EPHA5: variants seen among roughly 807,000 people sequenced by gnomAD.
The protein encoded by EPHA5 is ephrin type-A receptor 5.
In EPHA5, 60 loss-of-function variants were observed where a neutral mutation model predicts 105.0. The observed-to-expected ratio is 0.57, with a 90% CI of 0.46 to 0.71. The LOEUF (loss-of-function observed/expected upper bound fraction) is 0.71. Ranked by LOEUF, EPHA5 falls within the 30% of genes least tolerant of loss-of-function variation. The pLI, the probability that EPHA5 is intolerant of heterozygous loss-of-function variation, is 0.00. For synonymous variants in EPHA5, 513 were observed against 449.1 expected (o/e 1.14, Z -1.80); for missense variants, 1,218 against 1,274.7 (o/e 0.96, Z 0.68).
At chr4:65,399,587 T>C (rs1319928106) in intron 8 of EPHA5, among the ~76,000 whole-genome samples, 1 of 152,230 alleles carries the variant, frequency 6.6e-6, no homozygotes. Context: ...CTTCAGAAGA[T>C]ATTTTTGGCT....
At chr4:65,335,307 T>G (rs1338079247) in intron 15 of EPHA5, among the ~76,000 whole-genome samples, 3 of 152,044 alleles carry the variant, frequency 2.0e-5, no homozygotes, top group Non-Finnish European at 4.4e-5. Context: ...ATATGAAACA[T>G]TATTTAAATG....
intron 3 of EPHA5, among the ~76,000 whole-genome samples, chr4:65,501,043 A>G (rs898117075): frequency 4.6e-5 from 7 of 151,352 alleles, no homozygotes; most frequent in Non-Finnish European, 1.0e-4. Context: ...AAGCTAAGTG[A>G]ATTATATTTA....
chr4:65,644,314 T>A (rs1196212985), intron 1 of EPHA5, among the ~76,000 whole-genome samples: 1 of 151,958 alleles, frequency 6.6e-6, no homozygotes. Flanking sequence ...TACTGTCTAG[T>A]CAAAATACTT....
chr4:65,433,701 T>C (rs888738918), intron 5 of EPHA5, among the ~76,000 whole-genome samples: 1 of 152,128 alleles, frequency 6.6e-6, no homozygotes, highest in South Asian at 2.1e-4. Flanking sequence ...AGAAAATCCA[T>C]TTCTATGTCT....
intron 8 of EPHA5, among the ~76,000 whole-genome samples, chr4:65,402,199 T>C (rs986838756): frequency 1.5e-4 from 23 of 152,104 alleles, no homozygotes; most frequent in Non-Finnish European, 2.9e-4. Context: ...CCTCCATGAT[T>C]ATGAGTTTCC....
chr4:65,625,270 C>A (rs1578616586), intron 2 of EPHA5, among the ~76,000 whole-genome samples: 1 of 152,076 alleles, frequency 6.6e-6, no homozygotes, highest in East Asian at 1.9e-4. Context: ...AAAAGAATTA[C>A]TGTGCCTCAT....
chr4:65,587,077 C>A (rs1212483094), intron 3 of EPHA5, among the ~76,000 whole-genome samples: 1 of 152,076 alleles, frequency 6.6e-6, no homozygotes, highest in Non-Finnish European at 1.5e-5. Flanking sequence ...TTCTTTTCAA[C>A]TTCCCACCAT....
intron 11 of EPHA5, among the ~76,000 whole-genome samples, chr4:65,353,970 A>G (rs1307584175): frequency 6.6e-6 from 1 of 151,818 alleles, no homozygotes; most frequent in Non-Finnish European, 1.5e-5. Context: ...CATGTAGCCT[A>G]GAGGTCAGCT....
intron 3 of EPHA5, among the ~76,000 whole-genome samples, chr4:65,565,416 A>G (rs996362661): frequency 2.0e-5 from 3 of 151,766 alleles, no homozygotes; most frequent in Admixed American, 6.6e-5. Context: ...GGGACTCACA[A>G]ACATATAATT....
intron 3 of EPHA5, among the ~76,000 whole-genome samples, chr4:65,575,837 C>A (rs916921153): frequency 6.6e-6 from 1 of 151,072 alleles, no homozygotes; most frequent in African/African-American, 2.4e-5. Flanking sequence ...ATTAGGCAGG[C>A]GTAGTGATGG....
intron 5 of EPHA5, among the ~76,000 whole-genome samples, chr4:65,456,323 T>A (rs955793566): frequency 1.3e-5 from 1 of 79,138 alleles, no homozygotes; most frequent in East Asian, 2.7e-4. Flanking sequence ...TGTTCTTCGA[T>A]TTTTTTTTTT....
chr4:65,495,627 T>C (rs1323567532), intron 3 of EPHA5, 84 bp from the exon 4 acceptor site: 1 of 1,150,300 alleles, frequency 8.7e-7, no homozygotes, highest in Non-Finnish European at 1.2e-6. Context: ...TTTTGACTTG[T>C]ATATGCAGAT....
intron 7 of EPHA5, among the ~76,000 whole-genome samples, chr4:65,410,025 C>T (rs1722768521): frequency 6.6e-6 from 1 of 152,126 alleles, no homozygotes; most frequent in Non-Finnish European, 1.5e-5. Context: ...ATTAGATATA[C>T]AATTACTATA....
chr4:65,563,534 T>G (rs1410190407), intron 3 of EPHA5, among the ~76,000 whole-genome samples: 1 of 152,050 alleles, frequency 6.6e-6, no homozygotes, highest in East Asian at 1.9e-4. Context: ...GAGTTAGAAC[T>G]TTAAAAATTA....
intron 13 of EPHA5, among the ~76,000 whole-genome samples, chr4:65,349,725 TGAA>T (rs1722639166): frequency 6.6e-6 from 1 of 152,186 alleles, no homozygotes; most frequent in South Asian, 2.1e-4. Context: ...TAACATCATT[TGAA>T]GAAGACTTAC....
chr4:65,460,257 CAA>C (rs1377330037), intron 5 of EPHA5, among the ~76,000 whole-genome samples: 3 of 151,374 alleles, frequency 2.0e-5, no homozygotes, highest in African/African-American at 7.3e-5. Context: ...TATATAGTCT[CAA>C]GTTTCAAAAC....
chr4:65,541,965 A>C (rs1037776488), intron 3 of EPHA5, among the ~76,000 whole-genome samples: 3 of 152,078 alleles, frequency 2.0e-5, no homozygotes, highest in African/African-American at 7.2e-5. Context: ...CAACATGGAA[A>C]TTGAACAACC....
rs186536491 is a variant in EPHA5 at position 65,352,938 on chromosome 4, A to C, written c.2235+104T>G. 260 of 637,096 alleles carry C rather than the reference A, an allele frequency of 4.1e-4. 4 individuals are homozygous for C. The highest frequency in any genetic ancestry group is 2.7e-3 in the South Asian group (123 of 45,240). The allele number at this position is 637,096 out of a possible 1,614,324, so 39.5% of individuals were successfully genotyped here. On this transcript the variant is annotated intron_variant, in intron 12 of 16. Coordinates refer to ENST00000613740, the MANE Select transcript of EPHA5 (RefSeq NM_001281766.3). ...CTGTTCTATTAAAAACTTAAGCTTTAAAGTGGCCCAAATTCAACTTCAACA... is the reference window on the plus strand; with the variant it reads ...CTGTTCTATTAAAAACTTAAGCTTTCAAGTGGCCCAAATTCAACTTCAACA...
At chr4:65,573,410 CAAAAAAAAAA>C (rs71657188) in intron 3 of EPHA5, 51 of 655,930 alleles carry the variant, frequency 7.8e-5, no homozygotes, top group South Asian at 1.3e-4. Context: ...GACTCCGTCT[CAAAAAAAAAA>C]AAAAAAAAAA....
Sources: allele counts gnomAD v4.1 joint callset (sites outside exome capture counted in the v4.1 genomes callset), GRCh38; gene constraint gnomAD v4.1.1; transcripts MANE v1.5; gene names NCBI Gene and HGNC (gene_info 2026-07-23, HGNC 2026-07-21).